The following LINS1 variants were observed in gnomAD, a reference collection of about 807,000 sequenced individuals.
LINS1 encodes protein Lines homolog 1.
LINS1 carries 27 observed loss-of-function variants against 41.6 expected under a neutral mutation model. That is an observed-to-expected ratio of 0.65 (90% CI 0.48 to 0.89). The LOEUF is 0.89. LINS1 is among the 40% of genes least tolerant of loss of function. The pLI is 0.00. For synonymous variants in LINS1, 336 were observed against 312.9 expected (o/e 1.07, Z -0.78); for missense variants, 955 against 884.1 (o/e 1.08, Z -1.02).
intron 1 of LINS1, among the ~76,000 whole-genome samples, chr15:100,596,497 T>G (rs1355800203): frequency 6.6e-6 from 1 of 152,246 alleles, no homozygotes; most frequent in Non-Finnish European, 1.5e-5. Context: ...GATAAAAGAC[T>G]TAATGCTTAA....
intron 3 of LINS1, chr15:100,576,567 G>A (rs373631950): frequency 6.6e-6 from 1 of 152,218 alleles, no homozygotes; most frequent in Non-Finnish European, 1.5e-5. Flanking sequence ...AGGACCAGAT[G>A]GATTCACAGC....
At chr15:100,600,213 G>A (rs1270815760) in intron 1 of LINS1, among the ~76,000 whole-genome samples, 2 of 152,140 alleles carry the variant, frequency 1.3e-5, no homozygotes, top group Non-Finnish European at 2.9e-5. Flanking sequence ...GGTTGAAGAA[G>A]CAAAAAGAGA....
In LINS1 at chr15:100,573,635, G is replaced by C; in HGVS notation, c.1222+16C>G. ...AATAATTACACACTGCATACAAAAG[G>C]AGTTTGGAGAATTACCTTTCACTTC... On this transcript the variant is annotated intron_variant, in intron 5 of 6. Transcript: ENST00000314742. The C allele has an allele frequency of 1.4e-6, 2 of 1,436,488 alleles. No individual in the cohort carries two copies. The highest frequency in any genetic ancestry group is 1.7e-5 in the Admixed American group (1 of 58,282). The allele number at this position is 1,436,488 out of a possible 1,614,324, so 89.0% of individuals were successfully genotyped here. A position where few individuals can be genotyped will look rare whatever the true frequency, so the allele number is the denominator to read the frequency against.
intron 1 of LINS1, among the ~76,000 whole-genome samples, chr15:100,584,518 A>G (rs1011180132): frequency 2.0e-4 from 31 of 152,146 alleles, no homozygotes; most frequent in Admixed American, 1.8e-3. Flanking sequence ...ATTAGACTGA[A>G]AGGTTTTAAA....
chr15:100,589,803 T>C (rs1215137546), intron 1 of LINS1, among the ~76,000 whole-genome samples: 1 of 152,228 alleles, frequency 6.6e-6, no homozygotes, highest in East Asian at 1.9e-4. Flanking sequence ...GTTTTCTGGT[T>C]ATATAAAAGC....
In LINS1 at chr15:100,580,664, T is replaced by C. The variant is rs751703742; in HGVS notation, c.179A>G (p.Gln60Arg). The C allele has an allele frequency of 7.4e-6, 12 of 1,613,860 alleles. No homozygotes were observed. In the African/African-American group the frequency reaches 1.5e-4, roughly 20 times the overall value. The change falls in exon 2 of 7, where the codon CAG becomes CGG. Residue 60 changes from glutamine to arginine, a missense_variant. Physicochemically the swap from Gln to Arg is conservative, Grantham distance 43. Transcript: ENST00000314742. The stretch of plus-strand genomic sequence containing the variant: ...GGGAGCCACACCAACAGAGATGGGC[T>C]GATGCCTGCCCTGGATACCACAGGT... ...ANTCGIQGRHQPISVGVAPIA... is the reference protein window; with the variant it reads ...ANTCGIQGRHRPISVGVAPIA...
intron 3 of LINS1, among the ~76,000 whole-genome samples, chr15:100,575,713 G>T (rs2038130527): frequency 6.6e-6 from 1 of 152,170 alleles, no homozygotes; most frequent in Non-Finnish European, 1.5e-5. Flanking sequence ...CAAATCAACA[G>T]AATATACATT....
In LINS1 at chr15:100,593,387, C is replaced by T. The variant is rs143309237; in HGVS notation, c.-104+8734G>A. On this transcript the variant is annotated intron_variant, in intron 1 of 6. Transcript: ENST00000314742. ...CTGTTTATTTTTTAAGTTCTGTAAA[C>T]TATTTGAATTTTGCATTATATGCCT... Among the ~76,000 whole-genome samples, 1,305 of 152,212 alleles carry T rather than the reference C, an allele frequency of 8.6e-3. 19 individuals are homozygous for T. The highest frequency in any genetic ancestry group is 0.03 in the African/African-American group (1,236 of 41,516).
In LINS1 at chr15:100,580,937, C is replaced by T; in HGVS notation, c.-95G>A. On this transcript the variant is annotated 5_prime_UTR_variant, in exon 2 of 7. Coordinates refer to ENST00000314742, the MANE Select transcript of LINS1 (RefSeq NM_001040616.3). ...GCAATGAATCTCTAAGAAGTTTCTT[C>T]AGTGAAACCTAAAATAGGAAAAATA... 8.7e-7 allele frequency: 1 copy of T among 1,146,568 alleles called. No homozygotes were observed. The highest frequency in any genetic ancestry group is 1.4e-5 in the South Asian group (1 of 71,286). The allele number at this position is 1,146,568 out of a possible 1,614,324, so 71.0% of individuals were successfully genotyped here.
intron 1 of LINS1, among the ~76,000 whole-genome samples, chr15:100,594,679 C>T (rs143967169): frequency 8.5e-5 from 13 of 152,302 alleles, no homozygotes; most frequent in African/African-American, 3.1e-4. Flanking sequence ...ATTTGTTACA[C>T]TGTATGGTTT....
intron 1 of LINS1, among the ~76,000 whole-genome samples, chr15:100,595,567 G>T (rs537709271): frequency 6.6e-6 from 1 of 152,292 alleles, no homozygotes; most frequent in African/African-American, 2.4e-5. Flanking sequence ...TGGTGAGAAT[G>T]AAAAACGGCA....
At chr15:100,597,262 A>T (rs968313353) in intron 1 of LINS1, among the ~76,000 whole-genome samples, 2 of 151,864 alleles carry the variant, frequency 1.3e-5, no homozygotes, top group Non-Finnish European at 2.9e-5. Flanking sequence ...CTCCAAAGGC[A>T]AATCTTTTTT....
rs1199042368 is a variant in LINS1 at position 100,580,669 on chromosome 15, C to T, written c.174G>A (p.Arg58=). Residue 58 remains arginine (R), a synonymous_variant, in exon 2 of 7, where the codon AGG becomes AGA. Coordinates refer to ENST00000314742, the MANE Select transcript of LINS1 (RefSeq NM_001040616.3). ...CCACACCAACAGAGATGGGCTGATG[C>T]CTGCCCTGGATACCACAGGTGTTTG... is the stretch of plus-strand genomic sequence containing the variant. The part of the protein sequence containing the change: ...EWANTCGIQG[R]HQPISVGVAP... 1 of 1,613,894 alleles carries T rather than the reference C, an allele frequency of 6.2e-7. No individual in the cohort carries two copies. Among genetic ancestry groups the T allele is most frequent in the South Asian group, 1.1e-5 (1 of 91,074 alleles).
intron 3 of LINS1, among the ~76,000 whole-genome samples, chr15:100,579,411 T>A (rs114331331): frequency 6.6e-6 from 1 of 150,606 alleles, no homozygotes; most frequent in African/African-American, 2.4e-5. Context: ...ATTTTTTTTT[T>A]AATTACTGCA....
At chr15:100,581,209 C>T (rs574066837) in intron 1 of LINS1, among the ~76,000 whole-genome samples, 2 of 152,296 alleles carry the variant, frequency 1.3e-5, no homozygotes, top group African/African-American at 4.8e-5. Flanking sequence ...TTTTCAATGG[C>T]TATCAGGGTT....
intron 1 of LINS1, among the ~76,000 whole-genome samples, chr15:100,594,138 T>C (rs1403323543): frequency 7.9e-5 from 12 of 152,262 alleles, no homozygotes; most frequent in Admixed American, 6.5e-5. Context: ...AGATTACTTA[T>C]AATACCTAAC....
At chr15:100,582,926 C>T (rs2038627640) in intron 1 of LINS1, among the ~76,000 whole-genome samples, 1 of 150,934 alleles carries the variant, frequency 6.6e-6, no homozygotes, top group African/African-American at 2.4e-5. Flanking sequence ...GGTCTTCCAT[C>T]TACACTATGG....
At chr15:100,572,453 A>AT (rs2037883465) in intron 5 of LINS1, 7 of 1,059,250 alleles carry the variant, frequency 6.6e-6, no homozygotes, top group African/African-American at 1.7e-5. Flanking sequence ...AGCAAAAATA[A>AT]TTTTGTCTTC....
intron 5 of LINS1, chr15:100,573,163 A>C (rs2037936184): frequency 1.2e-5 from 2 of 160,660 alleles, no homozygotes; most frequent in African/African-American, 4.8e-5. Flanking sequence ...CTGTTGCACC[A>C]GGACTGGAGT....
Sources: allele counts gnomAD v4.1 joint callset (sites outside exome capture counted in the v4.1 genomes callset), GRCh38; gene constraint gnomAD v4.1.1; transcripts MANE v1.5; gene names NCBI Gene and HGNC (gene_info 2026-07-23, HGNC 2026-07-21).